Variants in PPARG observed in about 807,000 individuals in gnomAD.
PPARG encodes peroxisome proliferator activated receptor gamma.
PPARG carries 17 observed loss-of-function variants against 39.2 expected under a neutral mutation model. The observed-to-expected ratio is 0.43, with a 90% confidence interval of 0.30 to 0.65. The LOEUF (loss-of-function observed/expected upper bound fraction) is 0.65. Ranked by LOEUF, PPARG falls within the 30% of genes least tolerant of loss-of-function variation. The pLI is 0.13. For missense variants in PPARG, 406 were observed against 585.9 expected, an observed-to-expected ratio of 0.69 and a Z score of 3.17; for synonymous variants, 223 against 215.7, an observed-to-expected ratio of 1.03 and a Z score of -0.30.
At chr3:12,376,009 G>C (rs2049393482) in intron 2 of PPARG, among the ~76,000 whole-genome samples, 1 of 151,558 alleles carries the variant, frequency 6.6e-6, no homozygotes, top group South Asian at 2.1e-4. Flanking sequence ...GAGTGCAGTG[G>C]CGTGATCTCA....
chr3:12,401,346 G>T (rs1411824504), intron 5 of PPARG, among the ~76,000 whole-genome samples: 1 of 152,162 alleles, frequency 6.6e-6, no homozygotes, highest in Non-Finnish European at 1.5e-5. Flanking sequence ...TTCAGATTCT[G>T]TTCTTTCTCT....
intron 2 of PPARG, among the ~76,000 whole-genome samples, chr3:12,360,426 G>C (rs922470517): frequency 6.6e-6 from 1 of 152,060 alleles, no homozygotes; most frequent in African/African-American, 2.4e-5. Context: ...TGGTTTGTCT[G>C]CATGTTTCCT....
At chr3:12,392,547 C>G in intron 4 of PPARG, 67 bp from the exon 5 acceptor site, 1 of 1,567,528 alleles carries the variant, frequency 6.4e-7, no homozygotes, top group Non-Finnish European at 8.8e-7. Context: ...GTATACCTTT[C>G]GCTGTAGGTT....
chr3:12,426,166 C>G (rs2051438209), intron 7 of PPARG, among the ~76,000 whole-genome samples: 1 of 152,204 alleles, frequency 6.6e-6, no homozygotes. Context: ...CTCCACCATC[C>G]TGGCCCAGTC....
chr3:12,317,139 T>C (rs2047412712), intron 2 of PPARG, among the ~76,000 whole-genome samples: 1 of 152,156 alleles, frequency 6.6e-6, no homozygotes, highest in Non-Finnish European at 1.5e-5. Flanking sequence ...GTAAATAAAC[T>C]CTCTGCCTAG....
chr3:12,333,312 CAGAA>C (rs1007295211), intron 2 of PPARG, among the ~76,000 whole-genome samples: 9 of 152,190 alleles, frequency 5.9e-5, no homozygotes, highest in African/African-American at 2.2e-4. Flanking sequence ...ACTGAGGAAA[CAGAA>C]GGAGGTTAAA....
rs144523043 is a variant in PPARG, at chr3:12,362,520, A to AAAAT, written c.-8-17136_-8-17133dup. On this transcript the variant is annotated intron_variant, in intron 2 of 7. Transcript: ENST00000651735. ...GGCAACAGAGTGAGACTTCGTCTCA[A>AAAAT]AAATAAATAAATAAATAAATAAATA... is the stretch of plus-strand genomic sequence containing the variant. Among the ~76,000 whole-genome samples, 1,448 of 147,938 alleles carry AAAAT rather than the reference A, an allele frequency of 9.8e-3. 13 individuals are homozygous for AAAAT. The highest frequency in any genetic ancestry group is 0.014 in the Middle Eastern group (4 of 288).
rs112653857 is a variant in PPARG at position 12,351,694 on chromosome 3, C to T, written c.-8-28010C>T. 1.8e-5 allele frequency: 29 copies of T among 1,573,018 alleles called. No individual in the cohort carries two copies. Among genetic ancestry groups the T allele is most frequent in the Middle Eastern group, 1.7e-4 (1 of 5,998 alleles). ...CACAAGGTAAAGTTCCTTCCAGATA[C>T]GGCTATTGGGGACGTGGGGGCATTT... On this transcript the variant is annotated intron_variant, in intron 2 of 7. Coordinates refer to ENST00000651735, the MANE Select transcript of PPARG (RefSeq NM_138711.6).
intron 2 of PPARG, among the ~76,000 whole-genome samples, chr3:12,363,854 T>A (rs1231947822): frequency 6.6e-6 from 1 of 152,186 alleles, no homozygotes; most frequent in Non-Finnish European, 1.5e-5. Context: ...TTTTTTCTGA[T>A]CTAAACACCG....
chr3:12,412,119 G>A (rs891025598), intron 6 of PPARG, among the ~76,000 whole-genome samples: 10 of 152,120 alleles, frequency 6.6e-5, no homozygotes, highest in African/African-American at 2.4e-4. Flanking sequence ...TGCTTTTTGA[G>A]TGATTTTCAT....
intron 2 of PPARG, chr3:12,328,165 A>C: frequency 4.6e-6 from 6 of 1,306,286 alleles, no homozygotes; most frequent in Non-Finnish European, 5.5e-6. Context: ...GAAGCAGCAA[A>C]TAGCGAAGAA....
chr3:12,336,402 CTT>C (rs1285986759), intron 2 of PPARG, among the ~76,000 whole-genome samples: 3 of 151,898 alleles, frequency 2.0e-5, no homozygotes, highest in African/African-American at 7.2e-5. Flanking sequence ...TCTTGATACT[CTT>C]TGAGGACTAG....
intron 2 of PPARG, among the ~76,000 whole-genome samples, chr3:12,379,484 C>T (rs1452747352): frequency 6.6e-6 from 1 of 152,184 alleles, no homozygotes; most frequent in Non-Finnish European, 1.5e-5. Context: ...TGCACTGTTT[C>T]AGGATCCTCT....
chr3:12,407,230 G>T (rs890944970), intron 6 of PPARG, among the ~76,000 whole-genome samples: 1 of 151,878 alleles, frequency 6.6e-6, no homozygotes, highest in Admixed American at 6.6e-5. Flanking sequence ...GCGTGATCTC[G>T]GCTCACTGCA....
intron 2 of PPARG, among the ~76,000 whole-genome samples, chr3:12,348,822 A>C (rs1004901344): frequency 2.0e-5 from 3 of 152,228 alleles, no homozygotes; most frequent in African/African-American, 7.2e-5. Flanking sequence ...TTGGTGTACA[A>C]AGCACCCTAA....
chr3:12,306,933 C>T (rs2047083378), intron 1 of PPARG, among the ~76,000 whole-genome samples: 1 of 151,978 alleles, frequency 6.6e-6, no homozygotes, highest in African/African-American at 2.4e-5. Context: ...CCCATCTCTA[C>T]TAAAAATACA....
At chr3:12,358,205 C>T (rs1236117946) in intron 2 of PPARG, among the ~76,000 whole-genome samples, 1 of 152,166 alleles carries the variant, frequency 6.6e-6, no homozygotes, top group Non-Finnish European at 1.5e-5. Context: ...TTACCCAAAT[C>T]CCTGGCTTCT....
At chr3:12,288,543 C>G (rs888419507), upstream of PPARG, among the ~76,000 whole-genome samples, 1 of 151,934 alleles carries the variant, frequency 6.6e-6, no homozygotes, top group Non-Finnish European at 1.5e-5. Context: ...TGTCTGGACC[C>G]GGGGAAGCGA....
intron 4 of PPARG, among the ~76,000 whole-genome samples, chr3:12,387,337 C>T (rs1015475443): frequency 6.6e-6 from 1 of 152,214 alleles, no homozygotes; most frequent in Admixed American, 6.5e-5. Flanking sequence ...CTTCCACCAA[C>T]AGTGTAAAAG....
Sources: allele counts gnomAD v4.1 joint callset (sites outside exome capture counted in the v4.1 genomes callset), GRCh38; gene constraint gnomAD v4.1.1; transcripts MANE v1.5; gene names NCBI Gene and HGNC (gene_info 2026-07-23, HGNC 2026-07-21).